The following SPOCK3 variants were observed in gnomAD, a reference collection of about 807,000 sequenced individuals.
The protein encoded by SPOCK3 is SPARC (osteonectin), cwcv and kazal like domains proteoglycan 3.
A neutral mutation model predicts 56.6 loss-of-function variants in SPOCK3; 30 were observed. That is an observed-to-expected ratio of 0.53 (90% CI 0.40 to 0.72). The LOEUF is 0.72. Among genes scored for constraint, SPOCK3 ranks in the 30% least tolerant of loss-of-function variants. The pLI, the probability that SPOCK3 is intolerant of heterozygous loss-of-function variation, is 0.00. For missense variants in SPOCK3, 527 were observed against 530.0 expected (o/e 0.99, Z 0.06); for synonymous variants, 196 against 183.3 (o/e 1.07, Z -0.56).
intron 6 of SPOCK3, among the ~76,000 whole-genome samples, chr4:166,855,962 T>C (rs908378693): frequency 6.6e-6 from 1 of 152,168 alleles, no homozygotes; most frequent in African/African-American, 2.4e-5. Context: ...TGGAAGACTA[T>C]TGAAAAGGTT....
intron 3 of SPOCK3, among the ~76,000 whole-genome samples, chr4:167,037,719 G>A (rs1752891695): frequency 6.6e-6 from 1 of 152,138 alleles, no homozygotes; most frequent in Admixed American, 6.5e-5. Context: ...ATAGATGAAT[G>A]TGTCACCTAG....
chr4:166,763,106 C>G (rs1309440422), intron 7 of SPOCK3, among the ~76,000 whole-genome samples: 1 of 150,422 alleles, frequency 6.6e-6, no homozygotes, highest in Non-Finnish European at 1.5e-5. Flanking sequence ...ATACCATAAA[C>G]AAATTGGTGA....
chr4:166,870,032 A>C (rs188283393), intron 6 of SPOCK3, among the ~76,000 whole-genome samples: 1 of 152,184 alleles, frequency 6.6e-6, no homozygotes, highest in African/African-American at 2.4e-5. Context: ...GGATCTGAGA[A>C]AGTTCTCCAC....
At chr4:167,196,987 A>G (rs1190017284) in intron 2 of SPOCK3, among the ~76,000 whole-genome samples, 1 of 152,162 alleles carries the variant, frequency 6.6e-6, no homozygotes, top group Non-Finnish European at 1.5e-5. Context: ...ATGACCTTCT[A>G]TTACCTTTAT....
chr4:167,207,717 T>A (rs796933761), intron 2 of SPOCK3, among the ~76,000 whole-genome samples: 1 of 152,314 alleles, frequency 6.6e-6, no homozygotes, highest in South Asian at 2.1e-4. Flanking sequence ...TATGCAATTA[T>A]AAGTTTTGGA....
At chr4:166,840,182 G>T (rs1223456946) in intron 6 of SPOCK3, among the ~76,000 whole-genome samples, 10 of 152,152 alleles carry the variant, frequency 6.6e-5, no homozygotes, top group Non-Finnish European at 1.5e-4. Flanking sequence ...CGTATGATTT[G>T]TATTGACACT....
chr4:167,234,584 TCCC>T, upstream of SPOCK3: 2 of 213,126 alleles, frequency 9.4e-6, no homozygotes, highest in South Asian at 2.9e-4. Flanking sequence ...CCCGGCGCGC[TCCC>T]CCCATCTCCA....
intron 4 of SPOCK3, among the ~76,000 whole-genome samples, chr4:166,943,520 C>T (rs761508518): frequency 6.6e-6 from 1 of 152,122 alleles, no homozygotes; most frequent in Non-Finnish European, 1.5e-5. Context: ...ATCATGAAAA[C>T]ACAGAAATGT....
At chr4:167,073,224 TAA>T (rs1756856915) in intron 2 of SPOCK3, among the ~76,000 whole-genome samples, 1 of 151,698 alleles carries the variant, frequency 6.6e-6, no homozygotes, top group Non-Finnish European at 1.5e-5. Context: ...ATATAGTTTA[TAA>T]GACTGTTTAA....
intron 6 of SPOCK3, among the ~76,000 whole-genome samples, chr4:166,873,349 G>A (rs1485337194): frequency 6.6e-6 from 1 of 152,054 alleles, no homozygotes; most frequent in Non-Finnish European, 1.5e-5. Flanking sequence ...ATTTCTCCAA[G>A]CCCATAATAT....
intron 2 of SPOCK3, among the ~76,000 whole-genome samples, chr4:167,086,826 C>T (rs985444693): frequency 4.6e-5 from 7 of 152,038 alleles, no homozygotes; most frequent in Admixed American, 4.6e-4. Flanking sequence ...TAGCACAACG[C>T]ACAAAACAGT....
intron 2 of SPOCK3, among the ~76,000 whole-genome samples, chr4:167,146,036 A>G (rs1301898461): frequency 6.6e-6 from 1 of 152,114 alleles, no homozygotes; most frequent in Non-Finnish European, 1.5e-5. Context: ...AAGGGTCAAG[A>G]CCTATCAGTG....
chr4:166,921,619 G>T (rs1303538362), intron 4 of SPOCK3, among the ~76,000 whole-genome samples: 1 of 152,028 alleles, frequency 6.6e-6, no homozygotes, highest in African/African-American at 2.4e-5. Context: ...CCCAGCCCGT[G>T]TTGACTCTTT....
chr4:167,186,715 G>A (rs1732000499), intron 2 of SPOCK3, among the ~76,000 whole-genome samples: 1 of 151,940 alleles, frequency 6.6e-6, no homozygotes, highest in African/African-American at 2.4e-5. Flanking sequence ...AGTGGCTCAT[G>A]CCTGTAATCA....
At chr4:167,055,921 T>C (rs1310969028) in intron 3 of SPOCK3, among the ~76,000 whole-genome samples, 1 of 152,122 alleles carries the variant, frequency 6.6e-6, no homozygotes, top group Non-Finnish European at 1.5e-5. Context: ...GACTTAAATG[T>C]CCCTGTCTGA....
At chr4:166,895,360 C>T (rs1303620225) in intron 5 of SPOCK3, among the ~76,000 whole-genome samples, 1 of 151,514 alleles carries the variant, frequency 6.6e-6, no homozygotes, top group Non-Finnish European at 1.5e-5. Context: ...ATGAGTATAG[C>T]ATTTCAGAAG....
chr4:166,919,397 G>T (rs1738237860), intron 4 of SPOCK3, among the ~76,000 whole-genome samples: 1 of 152,172 alleles, frequency 6.6e-6, no homozygotes, highest in South Asian at 2.1e-4. Flanking sequence ...TCAAGTAAAT[G>T]ATTTTTTAAG....
chr4:166,845,529 T>C (rs1310882789), intron 6 of SPOCK3, among the ~76,000 whole-genome samples: 1 of 152,198 alleles, frequency 6.6e-6, no homozygotes, highest in Non-Finnish European at 1.5e-5. Context: ...GTTTAAGTGA[T>C]TGAAGGAATT....
At chr4:166,992,107 T>G (rs1410763150) in intron 4 of SPOCK3, among the ~76,000 whole-genome samples, 1 of 152,116 alleles carries the variant, frequency 6.6e-6, no homozygotes, top group Admixed American at 6.6e-5. Context: ...CATGTTATGT[T>G]AAAACAAGGC....
Sources: allele counts gnomAD v4.1 joint callset (sites outside exome capture counted in the v4.1 genomes callset), GRCh38; gene constraint gnomAD v4.1.1; transcripts MANE v1.5; gene names NCBI Gene and HGNC (gene_info 2026-07-23, HGNC 2026-07-21).